The following NALF1 variants were observed in gnomAD, a reference collection of about 807,000 sequenced individuals.
NALF1 encodes NALCN channel auxiliary factor 1.
NALF1 carries 3 observed loss-of-function variants against 48.4 expected under a neutral mutation model. The ratio of observed to expected loss-of-function variants is 0.06; its 90% CI spans 0.03 to 0.16. The LOEUF is 0.16. Among genes scored for constraint, NALF1 ranks in the 10% least tolerant of loss-of-function variants. NALF1 has a pLI of 1.00. For missense variants in NALF1, 526 were observed against 571.5 expected, an observed-to-expected ratio of 0.92 and a Z score of 0.81; for synonymous variants, 262 against 245.7, an observed-to-expected ratio of 1.07 and a Z score of -0.62.
intron 1 of NALF1, among the ~76,000 whole-genome samples, chr13:107,668,079 T>C (rs1238370379): frequency 6.6e-6 from 1 of 152,138 alleles, no homozygotes; most frequent in Non-Finnish European, 1.5e-5. Flanking sequence ...AAAACTTATA[T>C]ATTGGTAGTT....
intron 1 of NALF1, among the ~76,000 whole-genome samples, chr13:107,646,047 C>T (rs1236583193): frequency 6.6e-6 from 1 of 152,006 alleles, no homozygotes; most frequent in Admixed American, 6.6e-5. Context: ...AGCAAACTTG[C>T]CTCACAAAAA....
intron 1 of NALF1, among the ~76,000 whole-genome samples, chr13:107,469,617 T>C (rs899697084): frequency 2.0e-5 from 3 of 152,106 alleles, no homozygotes; most frequent in Admixed American, 2.0e-4. Flanking sequence ...ATAAATATTA[T>C]GTAAATAGCT....
chr13:107,831,935 G>A (rs1273909718), intron 1 of NALF1, among the ~76,000 whole-genome samples: 1 of 151,962 alleles, frequency 6.6e-6, no homozygotes, highest in Non-Finnish European at 1.5e-5. Flanking sequence ...AGGAAGATGG[G>A]AATTCAAAAA....
intron 1 of NALF1, among the ~76,000 whole-genome samples, chr13:107,828,055 T>C (rs2138623741): frequency 6.6e-6 from 1 of 152,294 alleles, no homozygotes; most frequent in East Asian, 1.9e-4. Flanking sequence ...TACTCACAGG[T>C]GACAGGGATC....
chr13:107,509,440 A>G lies in NALF1; in HGVS notation c.916-298685T>C, dbSNP rs1875808866. Among the ~76,000 whole-genome samples the G allele has an allele frequency of 2.0e-5, 3 of 152,312 alleles. No homozygotes were observed. The South Asian group carries it at 6.2e-4, about 32-fold the overall frequency. ...CAATGATTTTTGTAGCAAAAGATTT[A>G]TAAGAAATAGATTTAAATAGAAATC... On this transcript the variant is annotated intron_variant, in intron 1 of 2. Coordinates refer to ENST00000375915, the MANE Select transcript of NALF1 (RefSeq NM_001080396.3).
At chr13:107,365,831 T>C (rs1883142935) in intron 1 of NALF1, among the ~76,000 whole-genome samples, 1 of 152,190 alleles carries the variant, frequency 6.6e-6, no homozygotes, top group Admixed American at 6.5e-5. Context: ...CACTAAAATA[T>C]ATTTTGCCTA....
At chr13:107,387,628 A>T (rs1193954852) in intron 1 of NALF1, among the ~76,000 whole-genome samples, 1 of 152,196 alleles carries the variant, frequency 6.6e-6, no homozygotes, top group Non-Finnish European at 1.5e-5. Flanking sequence ...ATCCGAGATG[A>T]GAGTTATATA....
At chr13:107,775,249 C>T (rs887381955) in intron 1 of NALF1, among the ~76,000 whole-genome samples, 2 of 134,480 alleles carry the variant, frequency 1.5e-5, no homozygotes, top group African/African-American at 2.8e-5. Flanking sequence ...TGTTCCCCTT[C>T]CTGTGTCCAT....
intron 1 of NALF1, among the ~76,000 whole-genome samples, chr13:107,408,990 T>G (rs56732202): frequency 6.6e-6 from 1 of 152,094 alleles, no homozygotes; most frequent in Non-Finnish European, 1.5e-5. Context: ...CAAAATAAAT[T>G]TGAACAGTGT....
intron 1 of NALF1, among the ~76,000 whole-genome samples, chr13:107,784,229 T>C (rs1453081021): frequency 2.0e-5 from 3 of 152,196 alleles, no homozygotes; most frequent in African/African-American, 7.2e-5. Flanking sequence ...CTTTCAGTGA[T>C]GGGTCTCAAG....
intron 1 of NALF1, among the ~76,000 whole-genome samples, chr13:107,490,172 T>C (rs1304840649): frequency 6.6e-6 from 1 of 152,152 alleles, no homozygotes; most frequent in Non-Finnish European, 1.5e-5. Flanking sequence ...ATATGGTAAT[T>C]CCTCACCTAA....
intron 1 of NALF1, among the ~76,000 whole-genome samples, chr13:107,519,000 G>C (rs1457101481): frequency 6.6e-6 from 1 of 152,160 alleles, no homozygotes; most frequent in Non-Finnish European, 1.5e-5. Context: ...ACAGGGAAAT[G>C]GCGCAACACT....
intron 1 of NALF1, among the ~76,000 whole-genome samples, chr13:107,432,015 A>C (rs1293540728): frequency 6.6e-6 from 1 of 152,164 alleles, no homozygotes; most frequent in Non-Finnish European, 1.5e-5. Flanking sequence ...GAGTACCTGA[A>C]ACTGGGCCAT....
At chr13:107,724,112 T>C (rs1481742667) in intron 1 of NALF1, among the ~76,000 whole-genome samples, 1 of 152,138 alleles carries the variant, frequency 6.6e-6, no homozygotes, top group Non-Finnish European at 1.5e-5. Context: ...AAGATGAAAA[T>C]AGGAAGCTTG....
chr13:107,251,473 TTG>T (rs1383645041), intron 1 of NALF1, among the ~76,000 whole-genome samples: 1 of 152,220 alleles, frequency 6.6e-6, no homozygotes, highest in Non-Finnish European at 1.5e-5. Context: ...TGCTGTGGAC[TTG>T]CTGCCTTCGC....
chr13:107,496,289 C>T (rs1875332031), intron 1 of NALF1, among the ~76,000 whole-genome samples: 1 of 152,116 alleles, frequency 6.6e-6, no homozygotes, highest in Non-Finnish European at 1.5e-5. Flanking sequence ...ATGCAAAGGA[C>T]CTGAATGACA....
At chr13:107,441,896 A>G (rs1466923927) in intron 1 of NALF1, among the ~76,000 whole-genome samples, 1 of 152,248 alleles carries the variant, frequency 6.6e-6, no homozygotes, top group Non-Finnish European at 1.5e-5. Context: ...GGAAATATTC[A>G]ACTGAATAAA....
intron 1 of NALF1, among the ~76,000 whole-genome samples, chr13:107,739,290 C>T (rs903678329): frequency 2.6e-5 from 4 of 151,478 alleles, no homozygotes; most frequent in East Asian, 1.9e-4. Context: ...CAAACCCGCA[C>T]GTCCTGCACA....
In NALF1 at chr13:107,494,495, C is replaced by A. The variant is rs758378080; in HGVS notation, c.916-283740G>T. Among the ~76,000 whole-genome samples, 19 of 152,158 alleles carry A rather than the reference C, an allele frequency of 1.2e-4. 1 individual carries two copies. The highest frequency in any genetic ancestry group is 2.5e-4 in the Non-Finnish European group (17 of 68,022). On this transcript the variant is annotated intron_variant, in intron 1 of 2. Transcript: ENST00000375915. ...GTAGATATGGCATAGAACGGTCTAT[C>A]CATGGTTGCCTGTGCTGTTTGTCCC...
Sources: gnomAD v4.1 joint callset for allele counts (sites outside exome capture counted in the v4.1 genomes callset) on GRCh38, gnomAD v4.1.1 for gene constraint, MANE v1.5 for transcripts, NCBI Gene and HGNC (gene_info 2026-07-23, HGNC 2026-07-21) for gene names.